Variants in ARF3 observed in about 807,000 individuals in gnomAD.
The protein encoded by ARF3 is ADP-ribosylation factor 3.
In ARF3, 5 loss-of-function variants were observed where a neutral mutation model predicts 19.3. The observed-to-expected ratio is 0.26, with a 90% CI of 0.14 to 0.54. The LOEUF is 0.54. Among genes scored for constraint, ARF3 ranks in the 20% least tolerant of loss-of-function variants. The probability of loss-of-function intolerance (pLI) is 0.95; values close to 1 mark genes in which losing one functional copy is unlikely to be tolerated. For synonymous variants in ARF3, 71 were observed against 89.2 expected (o/e 0.80, Z 1.15); for missense variants, 77 against 234.2 (o/e 0.33, Z 4.38).
At chr12:48,940,158 C>T (rs1295490992) in intron 2 of ARF3, 51 bp from the exon 3 acceptor site, 2 of 1,431,342 alleles carry the variant, frequency 1.4e-6, no homozygotes, top group East Asian at 2.3e-5. Context: ...ACTAGCCCCG[C>T]AAACACCACC....
intron 1 of ARF3, among the ~76,000 whole-genome samples, chr12:48,950,096 C>A (rs1369733208): frequency 6.6e-6 from 1 of 152,218 alleles, no homozygotes; most frequent in Non-Finnish European, 1.5e-5. Flanking sequence ...CGATGAAATA[C>A]AATGGCTATT....
intron 1 of ARF3, among the ~76,000 whole-genome samples, chr12:48,952,625 C>A (rs1452080122): frequency 2.0e-5 from 3 of 152,180 alleles, no homozygotes; most frequent in Non-Finnish European, 2.9e-5. Flanking sequence ...CTAATCTGGT[C>A]CCATTGTGCA....
chr12:48,945,166 C>T (rs967973089), intron 1 of ARF3, among the ~76,000 whole-genome samples: 8 of 138,926 alleles, frequency 5.8e-5, no homozygotes, highest in African/African-American at 2.1e-4. Context: ...AAAAAAAGGC[C>T]GGGCACAGTG....
intron 1 of ARF3, among the ~76,000 whole-genome samples, chr12:48,945,175 T>G (rs1014039075): frequency 2.1e-5 from 3 of 140,740 alleles, no homozygotes; most frequent in African/African-American, 5.3e-5. Flanking sequence ...CCGGGCACAG[T>G]GGCTCACGCC....
Position 48,938,328 on chromosome 12 carries a change from C to T in ARF3, c.*619G>A, listed in dbSNP as rs1274617962. The T allele has an allele frequency of 2.2e-6, 1 of 452,202 alleles. No individual in the cohort carries two copies. The highest frequency in any genetic ancestry group is 2.4e-5 in the Admixed American group (1 of 42,414). The allele number at this position is 452,202 out of a possible 1,614,324, so 28.0% of individuals were successfully genotyped here. On this transcript the variant is annotated 3_prime_UTR_variant, in exon 5 of 5. Coordinates refer to ENST00000256682, the MANE Select transcript of ARF3 (RefSeq NM_001659.3). ...CAGTCCGGCTTGACTAATGCCCTCC[C>T]ACCTTCTTCCCTTAATCTCACCAAC...
chr12:48,938,596 C>A lies in ARF3; in HGVS notation c.*351G>T. 2.2e-6 allele frequency: 1 copy of A among 457,464 alleles called. No homozygotes were observed. 28.3% of individuals were successfully genotyped at this position (457,464 alleles called of 1,614,324 possible). On this transcript the variant is annotated 3_prime_UTR_variant, in exon 5 of 5. Coordinates refer to ENST00000256682, the MANE Select transcript of ARF3 (RefSeq NM_001659.3). Reference sequence around the variant, plus strand: ...GGCTTGTGGGGACAGGGAAAGGACTCAGATGCCAAGAGGACAGCAACCACT... The same window carrying A: ...GGCTTGTGGGGACAGGGAAAGGACTAAGATGCCAAGAGGACAGCAACCACT...
chr12:48,943,497 C>A (rs1354845538), intron 1 of ARF3, among the ~76,000 whole-genome samples: 2 of 152,288 alleles, frequency 1.3e-5, no homozygotes, highest in Non-Finnish European at 2.9e-5. Context: ...CAGGTCAAGA[C>A]AAAGTGCGCC....
chr12:48,945,512 T>C (rs1171280163), intron 1 of ARF3, among the ~76,000 whole-genome samples: 1 of 151,570 alleles, frequency 6.6e-6, no homozygotes, highest in East Asian at 2.0e-4. Flanking sequence ...AGCGAGTCGA[T>C]ATCATGCCAT....
chr12:48,943,702 T>A (rs1361027369), intron 1 of ARF3, among the ~76,000 whole-genome samples: 1 of 152,072 alleles, frequency 6.6e-6, no homozygotes, highest in Non-Finnish European at 1.5e-5. Context: ...TACTAGTTTG[T>A]CCGAAAAAAC....
At chr12:48,942,267 G>T (rs1323237659) in intron 1 of ARF3, among the ~76,000 whole-genome samples, 5 of 148,214 alleles carry the variant, frequency 3.4e-5, no homozygotes, top group Middle Eastern at 3.2e-3. Context: ...TTTTTAAAGA[G>T]GCGAGGTCTT....
rs904687251 is a variant in ARF3, at chr12:48,938,244, G to T, written c.*703C>A. 4 of 379,522 alleles carry T rather than the reference G, an allele frequency of 1.1e-5. No homozygotes were observed. Among genetic ancestry groups the T allele is most frequent in the Admixed American group, 9.2e-5 (3 of 32,532 alleles). The allele number at this position is 379,522 out of a possible 1,614,324, so 23.5% of individuals were successfully genotyped here. On this transcript the variant is annotated 3_prime_UTR_variant, in exon 5 of 5. Coordinates refer to ENST00000256682, the MANE Select transcript of ARF3 (RefSeq NM_001659.3). ...AATGGTGGTGAAGAATCCATCATCTGTCCTATCATCCAGAAAAACCTACCT... is the reference window on the plus strand; with the variant it reads ...AATGGTGGTGAAGAATCCATCATCTTTCCTATCATCCAGAAAAACCTACCT...
At chr12:48,940,800 TA>T in intron 2 of ARF3, 147 bp downstream of exon 2, 1 of 1,061,872 alleles carries the variant, frequency 9.4e-7, no homozygotes, top group Non-Finnish European at 1.3e-6. Context: ...CACCTGGTAG[TA>T]AGCTAAACAA....
chr12:48,942,544 C>G (rs545871561), intron 1 of ARF3, among the ~76,000 whole-genome samples: 1 of 152,162 alleles, frequency 6.6e-6, no homozygotes, highest in Admixed American at 6.5e-5. Context: ...AGACACACAC[C>G]ACTCCCTACC....
rs1371506588 is a variant in ARF3 at position 48,939,707 on chromosome 12, A to G, written c.332T>C (p.Leu111Pro). ...AGCATCCCGGAGCTCGTCCTCCGCCAGCATTCTCATCAGCTCTTCCCGGGC... is the reference window on the plus strand; with the variant it reads ...AGCATCCCGGAGCTCGTCCTCCGCCGGCATTCTCATCAGCTCTTCCCGGGC... Reference protein sequence around the residue: ...NEAREELMRMLAEDELRDAVL... With the variant: ...NEAREELMRMPAEDELRDAVL... The change falls in exon 4 of 5, where the codon CTG becomes CCG. Residue 111 changes from leucine (L) to proline (P), a missense_variant. By Grantham distance (98) the Leu-to-Pro change is moderately conservative. Around this residue, in one of 3 missense-constraint regions of ARF3, gnomAD observed 53 missense variants for 121.2 expected, o/e 0.44. Transcript: ENST00000256682. This position sits in a 1 kb window ranked among gnomAD's most constrained non-coding sequence, Gnocchi z 4.8. 6.2e-7 allele frequency: 1 copy of G among 1,614,036 alleles called. No homozygotes were observed. The highest frequency in any genetic ancestry group is 1.3e-5 in the African/African-American group (1 of 74,902).
intron 1 of ARF3, among the ~76,000 whole-genome samples, chr12:48,947,021 C>A (rs1940370183): frequency 6.6e-6 from 1 of 152,206 alleles, no homozygotes; most frequent in Non-Finnish European, 1.5e-5. Context: ...CAGCTTTGTT[C>A]TTAGATAATT....
intron 1 of ARF3, among the ~76,000 whole-genome samples, chr12:48,947,077 ACCAAACAGACC>A (rs1471366441): frequency 6.6e-6 from 1 of 152,216 alleles, no homozygotes; most frequent in Non-Finnish European, 1.5e-5. Flanking sequence ...AGCACAGCTA[ACCAAACAGACC>A]AATACAATTT....
Position 48,939,555 on chromosome 12 carries a change from G to C in ARF3, c.384+100C>G. On this transcript the variant is annotated intron_variant, in intron 4 of 4. Coordinates refer to ENST00000256682, the MANE Select transcript of ARF3 (RefSeq NM_001659.3). The surrounding 1 kb of genome is among the most constrained non-coding windows in gnomAD (Gnocchi z 4.8). ...CAGTTTCCCACGCTTCTAACATTGA[G>C]AGCATACTAAAAGGGTTAACCATAT... The C allele has an allele frequency of 1.3e-6, 2 of 1,517,400 alleles. No homozygotes were observed. The highest frequency in any genetic ancestry group is 1.2e-5 in the South Asian group (1 of 83,112). 94.0% of individuals were successfully genotyped at this position (1,517,400 alleles called of 1,614,324 possible).
chr12:48,941,260 G>T, intron 1 of ARF3, 72 bp from the exon 2 acceptor site: 1 of 817,514 alleles, frequency 1.2e-6, no homozygotes, highest in Non-Finnish European at 1.9e-6. Flanking sequence ...AATTTCCCAA[G>T]GTCATGGCTA....
At position 48,938,895 on chromosome 12, in the gene ARF3, A is replaced by G. The variant is rs1940202189; in HGVS notation, c.*52T>C. The G allele has an allele frequency of 1.3e-6, 2 of 1,588,902 alleles. No individual in the cohort carries two copies. Among genetic ancestry groups the G allele is most frequent in the Admixed American group, 1.7e-5 (1 of 58,890 alleles). On this transcript the variant is annotated 3_prime_UTR_variant, in exon 5 of 5. Transcript: ENST00000256682. ...GAAGGGGTAGGACTGGGGCAGGGTG[A>G]CAGTAGGTATGTCAGGGGTGGGTGG...
Sources: allele counts gnomAD v4.1 joint callset (sites outside exome capture counted in the v4.1 genomes callset), GRCh38; gene constraint gnomAD v4.1.1; regional missense constraint gnomAD v4.1.1; non-coding constraint Gnocchi (gnomAD v3.1); transcripts MANE v1.5; gene names NCBI Gene and HGNC (gene_info 2026-07-23, HGNC 2026-07-21).